The following AGRN variants were observed in gnomAD, a reference collection of about 807,000 sequenced individuals.
AGRN encodes agrin, also known as agrin proteoglycan.
A neutral mutation model predicts 211.0 loss-of-function variants in AGRN; 106 were observed. The observed-to-expected ratio is 0.50, with a 90% confidence interval of 0.43 to 0.59. The LOEUF (loss-of-function observed/expected upper bound fraction) is 0.59. Among genes scored for constraint, AGRN ranks in the 20% least tolerant of loss-of-function variants. The pLI is 0.00. For missense variants in AGRN, 3,040 were observed against 2,982.6 expected, an observed-to-expected ratio of 1.02 and a Z score of -0.45; for synonymous variants, 1,525 against 1,332.5, an observed-to-expected ratio of 1.14 and a Z score of -3.15.
In AGRN at chr1:1,044,356, C is replaced by G. The variant is rs753685295; in HGVS notation, c.2171C>G (p.Thr724Ser). 1 of 1,612,626 alleles carries G rather than the reference C, an allele frequency of 6.2e-7. No individual in the cohort carries two copies. Among genetic ancestry groups the G allele is most frequent in the Non-Finnish European group, 8.5e-7 (1 of 1,179,840 alleles). Residue 724 changes from threonine (T) to serine (S), a missense_variant, in exon 12 of 36, where the codon ACC becomes AGC. Thr to Ser is a moderately conservative substitution (Grantham distance 58). This residue lies in a region of AGRN where 1,498 missense variants were observed against 1,457.8 expected (regional missense o/e 1.03). Transcript: ENST00000379370. ...GSPVCGSDGVTYSTECELKKA... is the reference protein window; with the variant it reads ...GSPVCGSDGVSYSTECELKKA... ...CAGGTGTGCGGCTCAGATGGGGTCA[C>G]CTACAGCACCGAGTGTGAGCTGAAG... is the stretch of plus-strand genomic sequence containing the variant.
intron 7 of AGRN, 33 bp from the exon 8 acceptor site, chr1:1,043,200 GGGGCTT>G: frequency 6.4e-7 from 1 of 1,555,104 alleles, no homozygotes. Flanking sequence ...CAGCGGAGGG[GGGGCTT>G]GTGGGACCAC....
intron 25 of AGRN, 51 bp downstream of exon 25, chr1:1,049,502 C>A: frequency 1.3e-6 from 2 of 1,597,102 alleles, no homozygotes; most frequent in East Asian, 2.3e-5. Context: ...TTTGGGGTCC[C>A]GGTGTACGAG....
In AGRN at chr1:1,046,739, A is replaced by C; in HGVS notation, c.3250+4A>C. On this transcript the variant is annotated splice_donor_region_variant and intron_variant, in intron 18 of 35. Coordinates refer to ENST00000379370, the MANE Select transcript of AGRN (RefSeq NM_198576.4). Reference sequence around the variant, plus strand: ...GCCAGTGGGGGTGGCTCTGGGGGTGAGCAGGGATCAAGGACTTGGGGTGGG... The same window carrying C: ...GCCAGTGGGGGTGGCTCTGGGGGTGCGCAGGGATCAAGGACTTGGGGTGGG... The C allele has an allele frequency of 6.3e-7, 1 of 1,579,410 alleles. No homozygotes were observed. Among genetic ancestry groups the C allele is most frequent in the Non-Finnish European group, 8.6e-7 (1 of 1,169,402 alleles).
intron 1 of AGRN, among the ~76,000 whole-genome samples, chr1:1,021,260 G>A (rs1489523935): frequency 1.3e-5 from 2 of 152,188 alleles, no homozygotes; most frequent in Non-Finnish European, 2.9e-5. Context: ...GGATTTTCCC[G>A]ACTTCCTCCC....
chr1:1,022,980 G>A (rs988466865), intron 2 of AGRN, among the ~76,000 whole-genome samples: 1 of 152,244 alleles, frequency 6.6e-6, no homozygotes, highest in East Asian at 1.9e-4. Context: ...CCGAAGGGCC[G>A]AGGAGTGGCC....
intron 2 of AGRN, chr1:1,034,972 G>T: frequency 3.8e-6 from 2 of 523,840 alleles, no homozygotes. Flanking sequence ...TGGGGGTAGG[G>T]CAGGACCTGC....
rs772386655 is a variant in AGRN at position 1,046,257 on chromosome 1, C to T, written c.2903C>T (p.Pro968Leu). ...CAAATCTCTATCCAGAGCCTGGGCC[C>T]GTGCCAGGGTGAGGCCTGACGGCCA... Reference protein sequence around the residue: ...GLQISIQSLGPCQEAVAPSTH... With the variant: ...GLQISIQSLGLCQEAVAPSTH... The change falls in exon 17 of 36, where the codon CCG becomes CTG. Residue 968 changes from proline (P) to leucine (L), a missense_variant. Pro to Leu is a moderately conservative substitution (Grantham distance 98). Coordinates refer to ENST00000379370, the MANE Select transcript of AGRN (RefSeq NM_198576.4). The T allele has an allele frequency of 1.8e-5, 29 of 1,613,340 alleles. No homozygotes were observed. Among genetic ancestry groups the T allele is most frequent in the East Asian group, 1.1e-4 (5 of 44,892 alleles).
At chr1:1,049,128 GC>G (rs1645195120) in intron 24 of AGRN, 69 bp downstream of exon 24, 2 of 677,346 alleles carry the variant, frequency 3.0e-6, no homozygotes, top group South Asian at 2.1e-5. Context: ...GGGAGGGGGG[GC>G]CGGGGCAGCT....
At chr1:1,038,719 G>T (rs1412140617) in intron 3 of AGRN, among the ~76,000 whole-genome samples, 1 of 152,190 alleles carries the variant, frequency 6.6e-6, no homozygotes, top group Non-Finnish European at 1.5e-5. Flanking sequence ...GACCTGGGGG[G>T]AACCATTGGT....
At chr1:1,021,739 C>T (rs886384594) in intron 1 of AGRN, among the ~76,000 whole-genome samples, 5 of 152,224 alleles carry the variant, frequency 3.3e-5, no homozygotes, top group African/African-American at 7.2e-5. Flanking sequence ...TGTAGAAGCC[C>T]GAGGAAGGGG....
At chr1:1,027,130 C>A (rs1413340552) in intron 2 of AGRN, among the ~76,000 whole-genome samples, 2 of 152,234 alleles carry the variant, frequency 1.3e-5, no homozygotes, top group African/African-American at 4.8e-5. Flanking sequence ...CCCTCCCAGC[C>A]CCCTCCTCCT....
rs1044648307 is a variant in AGRN at position 1,044,043 on chromosome 1, C to T, written c.1999+20C>T. 1.9e-6 allele frequency: 3 copies of T among 1,611,568 alleles called. No individual in the cohort carries two copies. The highest frequency in any genetic ancestry group is 2.2e-5 in the East Asian group (1 of 44,884). On this transcript the variant is annotated intron_variant, in intron 10 of 35. Transcript: ENST00000379370. ...AGCAGGGTAGGCCGGGGGACGCTGGCGAAAACTGCTGGGCTCTGGCTTTGG... is the reference window on the plus strand; with the variant it reads ...AGCAGGGTAGGCCGGGGGACGCTGGTGAAAACTGCTGGGCTCTGGCTTTGG...
chr1:1,031,944 G>A lies in AGRN; in HGVS notation c.464-3333G>A, dbSNP rs1644685561. Among the ~76,000 whole-genome samples, 5 of 152,334 alleles carry A rather than the reference G, an allele frequency of 3.3e-5. No individual in the cohort carries two copies. The South Asian group carries it at 1.0e-3, about 32-fold the overall frequency. On this transcript the variant is annotated intron_variant, in intron 2 of 35. Coordinates refer to ENST00000379370, the MANE Select transcript of AGRN (RefSeq NM_198576.4). This position sits in a 1 kb window ranked among gnomAD's most constrained non-coding sequence, Gnocchi z 4.8. ...TGTGAACCACCTGCCTCTGCACACA[G>A]CAAGTCCTGTTCTGGGTTTTCTCAT...
At position 1,032,520 on chromosome 1, in the gene AGRN, CA is replaced by C. The variant is rs1644695622; in HGVS notation, c.464-2756del. On this transcript the variant is annotated intron_variant, in intron 2 of 35. Coordinates refer to ENST00000379370, the MANE Select transcript of AGRN (RefSeq NM_198576.4). This position sits in a 1 kb window ranked among gnomAD's most constrained non-coding sequence, Gnocchi z 4.7. ...GCCCAGACACCCGGCTGGGGGACTC[CA>C]GGAAGGCAGCAGGTGTGGGCAGTGG... 6.6e-6 allele frequency among the ~76,000 whole-genome samples: 1 copy of C among 151,988 alleles called. No homozygotes were observed. Among genetic ancestry groups the C allele is most frequent in the Non-Finnish European group, 1.5e-5 (1 of 67,974 alleles).
In AGRN at chr1:1,041,238, G is replaced by A. The variant is rs1180169378; in HGVS notation, c.793G>A (p.Gly265Arg). 4.7e-6 allele frequency: 7 copies of A among 1,488,308 alleles called. No homozygotes were observed. Among genetic ancestry groups the A allele is most frequent in the Non-Finnish European group, 5.3e-6 (6 of 1,125,496 alleles). 92.2% of individuals were successfully genotyped at this position (1,488,308 alleles called of 1,614,324 possible). The change falls in exon 5 of 36, where the codon GGG becomes AGG. Residue 265 changes from glycine to arginine, a missense_variant. By Grantham distance (125) the Gly-to-Arg change is moderately radical. This residue lies in a region of AGRN where 1,498 missense variants were observed against 1,457.8 expected (regional missense o/e 1.03). Coordinates refer to ENST00000379370, the MANE Select transcript of AGRN (RefSeq NM_198576.4). ...CAGCACCTGTGCGCGCTCGGCCGACGGGCTGACGGCCTCGTGCCTGTGCCC... is the reference window on the plus strand; with the variant it reads ...CAGCACCTGTGCGCGCTCGGCCGACAGGCTGACGGCCTCGTGCCTGTGCCC... ...FGSTCARSAD[G>R]LTASCLCPAT...
chr1:1,022,382 A>G lies in AGRN; in HGVS notation c.383A>G (p.His128Arg), dbSNP rs138808237. 5.0e-6 allele frequency: 8 copies of G among 1,613,260 alleles called. No individual in the cohort carries two copies. The African/African-American group carries it at 8.0e-5, about 16-fold the overall frequency. ...GCACCCCCATACCTGTGGCCAGCCC[A>G]CAAGAACGAGCTGATGCTCAACTCC... is the stretch of plus-strand genomic sequence containing the variant. ...NPAPPYLWPA[H>R]KNELMLNSSL... The change falls in exon 2 of 36, where the codon CAC (histidine) becomes CGC (arginine). Residue 128 changes from histidine to arginine, a missense_variant. Physicochemically the swap from His to Arg is conservative, Grantham distance 29 (BLOSUM62 0). Transcript: ENST00000379370.
At chr1:1,034,750 G>T (rs1458530791) in intron 2 of AGRN, 25 of 1,007,672 alleles carry the variant, frequency 2.5e-5, no homozygotes, top group Non-Finnish European at 3.0e-5. Context: ...CCCCAACCCC[G>T]AGGCCCCTGC....
In AGRN at chr1:1,041,719, G is replaced by A. The variant is rs764173129; in HGVS notation, c.1177+17G>A. ...AGGGTCGAGGTGAGCGGCTCCCCCGGGGGAGGGCTCCGGCCAGTGCCAGGG... is the reference window on the plus strand; with the variant it reads ...AGGGTCGAGGTGAGCGGCTCCCCCGAGGGAGGGCTCCGGCCAGTGCCAGGG... On this transcript the variant is annotated intron_variant, in intron 6 of 35. Coordinates refer to ENST00000379370, the MANE Select transcript of AGRN (RefSeq NM_198576.4). 1 of 1,563,510 alleles carries A rather than the reference G, an allele frequency of 6.4e-7. No individual in the cohort carries two copies. Among genetic ancestry groups the A allele is most frequent in the East Asian group, 2.4e-5 (1 of 42,206 alleles).
Position 1,048,096 on chromosome 1 carries a change from T to C in AGRN, c.3836T>C (p.Leu1279Pro). 1 of 1,570,454 alleles carries C rather than the reference T, an allele frequency of 6.4e-7. No homozygotes were observed. The highest frequency in any genetic ancestry group is 8.6e-7 in the Non-Finnish European group (1 of 1,165,746). The stretch of plus-strand genomic sequence containing the variant: ...GCCAGAGCCACCACTGCATCGCGCC[T>C]GCCGTCCTCTGCTGTGACCCCTCGG... ...ATARATTASR[L>P]PSSAVTPRAP... The change falls in exon 23 of 36, where the codon CTG becomes CCG. Residue 1279 changes from leucine (L) to proline (P), a missense_variant. By Grantham distance (98) the Leu-to-Pro change is moderately conservative. Transcript: ENST00000379370. This position sits in a 1 kb window ranked among gnomAD's most constrained non-coding sequence, Gnocchi z 5.9.
Sources: gnomAD v4.1 joint callset for allele counts (sites outside exome capture counted in the v4.1 genomes callset) on GRCh38, gnomAD v4.1.1 for gene constraint, gnomAD v4.1.1 regional missense constraint, Gnocchi (gnomAD v3.1) non-coding constraint, MANE v1.5 for transcripts, NCBI Gene and HGNC (gene_info 2026-07-23, HGNC 2026-07-21) for gene names.